Variants in DNAH10 observed in about 807,000 individuals in gnomAD.
The protein encoded by DNAH10 is dynein axonemal heavy chain 10.
DNAH10 carries 348 observed loss-of-function variants against 506.6 expected under a neutral mutation model. That is an observed-to-expected ratio of 0.69 (90% CI 0.63 to 0.75). The LOEUF (loss-of-function observed/expected upper bound fraction) is 0.75. Ranked by LOEUF, DNAH10 falls within the 30% of genes least tolerant of loss-of-function variation. DNAH10 has a pLI of 0.00. For missense variants in DNAH10, 5,179 were observed against 5,787.1 expected (o/e 0.89, Z 3.41); for synonymous variants, 2,059 against 2,198.6 (o/e 0.94, Z 1.78).
At chr12:123,891,486 A>C (rs572991256) in intron 52 of DNAH10, among the ~76,000 whole-genome samples, 105 of 152,284 alleles carry the variant, frequency 6.9e-4, no homozygotes, top group Admixed American at 4.6e-4. Flanking sequence ...AGTCACTGAC[A>C]TGTGGTGGGA....
chr12:123,894,360 G>A (rs940101740), intron 53 of DNAH10, among the ~76,000 whole-genome samples: 3 of 151,958 alleles, frequency 2.0e-5, no homozygotes, highest in East Asian at 1.9e-4. Flanking sequence ...GGGTTCAAGC[G>A]ATTCTCTCAC....
intron 28 of DNAH10, among the ~76,000 whole-genome samples, chr12:123,836,043 A>T (rs1202107931): frequency 6.6e-6 from 1 of 152,258 alleles, no homozygotes; most frequent in East Asian, 1.9e-4. Flanking sequence ...CATTTATTAT[A>T]AAAGCAATAT....
At chr12:123,864,815 A>G (rs1951741667) in intron 40 of DNAH10, 85 bp downstream of exon 40, 2 of 1,460,766 alleles carry the variant, frequency 1.4e-6, no homozygotes, top group Admixed American at 2.4e-5. Context: ...TAGTAAATGT[A>G]GATGATTATT....
chr12:123,883,368 C>T (rs1042427522), intron 51 of DNAH10, among the ~76,000 whole-genome samples: 1 of 152,244 alleles, frequency 6.6e-6, no homozygotes, highest in Admixed American at 6.5e-5. Context: ...TAGAATCATA[C>T]AGGTACCTCC....
At position 123,785,253 on chromosome 12, in the gene DNAH10, G is replaced by A. The variant is rs371395571; in HGVS notation, c.1231-493G>A. ...CGTATCTTCACCACCACTTGTTATC[G>A]TCTTTCTGATAATAGCCATTGTGGT... is the stretch of plus-strand genomic sequence containing the variant. On this transcript the variant is annotated intron_variant, in intron 8 of 78. Coordinates refer to ENST00000673944, the MANE Select transcript of DNAH10 (RefSeq NM_001372106.1). This position sits in a 1 kb window ranked among gnomAD's most constrained non-coding sequence, Gnocchi z 4.1. 4.6e-5 allele frequency among the ~76,000 whole-genome samples: 7 copies of A among 152,186 alleles called. No individual in the cohort carries two copies. The South Asian group carries it at 6.2e-4, about 14-fold the overall frequency.
At chr12:123,893,522 C>G in intron 53 of DNAH10, 86 bp downstream of exon 53, 5 of 1,493,438 alleles carry the variant, frequency 3.3e-6, no homozygotes, top group Non-Finnish European at 4.6e-6. Context: ...TCCAGGTTCC[C>G]CCAGCAAAGC....
At chr12:123,930,196 G>A in intron 72 of DNAH10, 1 of 532,606 alleles carries the variant, frequency 1.9e-6, no homozygotes, top group Non-Finnish European at 3.2e-6. Context: ...TACTGCTTTG[G>A]GCCCTATCCC....
At chr12:123,860,262 C>G (rs898857544) in intron 38 of DNAH10, among the ~76,000 whole-genome samples, 1 of 152,200 alleles carries the variant, frequency 6.6e-6, no homozygotes, top group African/African-American at 2.4e-5. Context: ...GTCATATGTT[C>G]CCATTATTTC....
Position 123,813,312 on chromosome 12 carries a change from A to G in DNAH10, c.3293A>G (p.His1098Arg). The change falls in exon 20 of 79, where the codon CAC (histidine) becomes CGC (arginine). Residue 1098 changes from histidine (H) to arginine (R), a missense_variant. Physicochemically the swap from His to Arg is conservative, Grantham distance 29. Transcript: ENST00000673944. ...EQAVMIPQNV[H>R]RILINLMKYL... The stretch of plus-strand genomic sequence containing the variant: ...GCTGTTATGATCCCCCAAAATGTCC[A>G]CAGGATTCTGATCAATCTTATGAAG... 6.2e-7 allele frequency: 1 copy of G among 1,614,216 alleles called. No homozygotes were observed. Among genetic ancestry groups the G allele is most frequent in the South Asian group, 1.1e-5 (1 of 91,088 alleles).
At chr12:123,847,123 C>T (rs377070489) in intron 32 of DNAH10, among the ~76,000 whole-genome samples, 34 of 151,486 alleles carry the variant, frequency 2.2e-4, no homozygotes, top group African/African-American at 7.5e-4. Context: ...TCCATCCATC[C>T]GTGCATCCAT....
At chr12:123,788,734 C>T (rs1034052638) in intron 10 of DNAH10, among the ~76,000 whole-genome samples, 3 of 151,666 alleles carry the variant, frequency 2.0e-5, no homozygotes, top group Admixed American at 1.3e-4. Flanking sequence ...TTGAGACTGG[C>T]CTGGGCAACA....
rs1005933653 is a variant in DNAH10, at chr12:123,928,238, G to C, written c.12106-149G>C. The C allele has an allele frequency of 2.3e-6, 2 of 854,842 alleles. No individual in the cohort carries two copies. The highest frequency in any genetic ancestry group is 3.5e-6 in the Non-Finnish European group (2 of 564,446). 53.0% of individuals were successfully genotyped at this position (854,842 alleles called of 1,614,324 possible). ...TTTCTCAAAGATGGTTTATTTGAAGGCTCCACCTGTAGCTCCTGGATCCTC... is the reference window on the plus strand; with the variant it reads ...TTTCTCAAAGATGGTTTATTTGAAGCCTCCACCTGTAGCTCCTGGATCCTC... On this transcript the variant is annotated intron_variant, in intron 69 of 78. Transcript: ENST00000673944. The surrounding 1 kb of genome is among the most constrained non-coding windows in gnomAD (Gnocchi z 4.9).
rs755485022 is a variant in DNAH10, at chr12:123,846,999, A to C, written c.5814+845A>C. 1.3e-5 allele frequency among the ~76,000 whole-genome samples: 2 copies of C among 152,142 alleles called. No homozygotes were observed. The highest frequency in any genetic ancestry group is 2.9e-5 in the Non-Finnish European group (2 of 68,018). On this transcript the variant is annotated intron_variant, in intron 32 of 78. Coordinates refer to ENST00000673944, the MANE Select transcript of DNAH10 (RefSeq NM_001372106.1). This position sits in a 1 kb window ranked among gnomAD's most constrained non-coding sequence, Gnocchi z 4.5. ...TTTTTGAGAAAAAGAGTGTCATCTT[A>C]TCTGTATTGGTTAGGGTTCCACAGA... is the stretch of plus-strand genomic sequence containing the variant.
chr12:123,875,322 G>GT lies in DNAH10; in HGVS notation c.8031dup (p.Lys2678Ter), dbSNP rs1384129755. ...TATGACCGTGGGAAGGAGCTGAACT[G>GT]TAAAAGCATTCGAGACCTTGGCTTT... On this transcript the variant is annotated frameshift_variant, in exon 47 of 79. Transcript: ENST00000673944. LOFTEE classifies it high-confidence loss of function. 6.2e-7 allele frequency: 1 copy of GT among 1,613,832 alleles called. No individual in the cohort carries two copies. The highest frequency in any genetic ancestry group is 8.5e-7 in the Non-Finnish European group (1 of 1,179,792).
At chr12:123,772,771 T>G in intron 3 of DNAH10, 63 bp from the exon 4 acceptor site, 3 of 1,242,422 alleles carry the variant, frequency 2.4e-6, no homozygotes, top group Non-Finnish European at 3.4e-6. Context: ...TACTTGAATA[T>G]TAGGTTCTTT....
intron 1 of DNAH10, among the ~76,000 whole-genome samples, chr12:123,766,322 A>C (rs760443414): frequency 7.2e-6 from 1 of 138,000 alleles, no homozygotes; most frequent in Non-Finnish European, 1.5e-5. Flanking sequence ...CCTGCTTGTC[A>C]TCTATATCTG....
chr12:123,850,362 A>AGGT lies in DNAH10; in HGVS notation c.6103-523_6103-521dup, dbSNP rs1349256578. On this transcript the variant is annotated intron_variant, in intron 34 of 78. Coordinates refer to ENST00000673944, the MANE Select transcript of DNAH10 (RefSeq NM_001372106.1). The surrounding 1 kb of genome is among the most constrained non-coding windows in gnomAD (Gnocchi z 5.5). Reference sequence around the variant, plus strand: ...GAAGACTGGTTTCTTGAGGGGTTTGAGGTGGGATTCTTTAGGCAGGAGTGA... The same window carrying AGGT: ...GAAGACTGGTTTCTTGAGGGGTTTGAGGTGGTGGGATTCTTTAGGCAGGAGTGA... 6.6e-6 allele frequency among the ~76,000 whole-genome samples: 1 copy of AGGT among 152,080 alleles called. No homozygotes were observed. Among genetic ancestry groups the AGGT allele is most frequent in the Non-Finnish European group, 1.5e-5 (1 of 68,022 alleles).
intron 18 of DNAH10, among the ~76,000 whole-genome samples, chr12:123,808,000 CGGG>C (rs367912842): frequency 1.7e-3 from 18 of 10,316 alleles, no homozygotes; most frequent in African/African-American, 2.9e-3. Flanking sequence ...GAGAGAGAGA[CGGG>C]AGGAGGGAGA....
At chr12:123,885,081 G>T (rs1952672664) in intron 51 of DNAH10, among the ~76,000 whole-genome samples, 1 of 152,198 alleles carries the variant, frequency 6.6e-6, no homozygotes, top group South Asian at 2.1e-4. Flanking sequence ...CTTACAATGG[G>T]TTTATCTGGA....
Sources: allele counts gnomAD v4.1 joint callset (sites outside exome capture counted in the v4.1 genomes callset), GRCh38; gene constraint gnomAD v4.1.1; non-coding constraint Gnocchi (gnomAD v3.1); transcripts MANE v1.5; gene names NCBI Gene and HGNC (gene_info 2026-07-23, HGNC 2026-07-21).